Variants in PMPCB observed in about 807,000 individuals in gnomAD.
PMPCB encodes the protein peptidase, mitochondrial processing subunit beta.
A neutral mutation model predicts 61.5 loss-of-function variants in PMPCB; 46 were observed. The ratio of observed to expected loss-of-function variants is 0.75; its 90% CI spans 0.59 to 0.96. The LOEUF is 0.96. Among genes scored for constraint, PMPCB ranks in the 40% least tolerant of loss-of-function variants. The probability of loss-of-function intolerance (pLI) is 0.00; values close to 1 mark genes in which losing one functional copy is unlikely to be tolerated. For synonymous variants in PMPCB, 191 were observed against 201.6 expected (o/e 0.95, Z 0.44); for missense variants, 590 against 602.4 (o/e 0.98, Z 0.22).
Position 103,298,473 on chromosome 7 carries a change from G to A in PMPCB, c.100-95G>A. ...GAAGAAAGATTCTTTTATAGAGACA[G>A]CCTATTTAAAATAGATTTGGTTTTA... On this transcript the variant is annotated intron_variant, in intron 1 of 12. Transcript: ENST00000249269. 4 of 1,196,680 alleles carry A rather than the reference G, an allele frequency of 3.3e-6. No individual in the cohort carries two copies. In the South Asian group the frequency reaches 5.7e-5, roughly 17 times the overall value. 74.1% of individuals were successfully genotyped at this position (1,196,680 alleles called of 1,614,324 possible). A position where few individuals can be genotyped will look rare whatever the true frequency, so the allele number is the denominator to read the frequency against.
At chr7:103,341,959 G>T in the PMPCB span, 11 of 1,558,412 alleles carry the variant, frequency 7.1e-6, no homozygotes, top group Non-Finnish European at 9.5e-6. Context: ...TAGAGGCTGT[G>T]ATTGAAAGTG....
rs897717670 is a variant in PMPCB, at chr7:103,307,859, C to G, written c.849+151C>G. The G allele has an allele frequency of 6.5e-5, 37 of 571,032 alleles. 1 individual carries two copies. Among genetic ancestry groups the G allele is most frequent in the Non-Finnish European group, 1.1e-4 (37 of 322,338 alleles). The allele number at this position is 571,032 out of a possible 1,614,324, so 35.4% of individuals were successfully genotyped here. On this transcript the variant is annotated intron_variant, in intron 7 of 12. Coordinates refer to ENST00000249269, the MANE Select transcript of PMPCB (RefSeq NM_004279.3). ...TGTACTCATTTGCTTACATTCCTTC[C>G]TCTTCCGTATTCTTTAACCACCTAT... is the stretch of plus-strand genomic sequence containing the variant.
intron 12 of PMPCB, among the ~76,000 whole-genome samples, chr7:103,325,942 C>A (rs939798943): frequency 1.3e-5 from 2 of 152,130 alleles, no homozygotes; most frequent in Non-Finnish European, 2.9e-5. Flanking sequence ...ATTACTGTCA[C>A]CTAAGTGTAA....
chr7:103,309,170 A>G, intron 8 of PMPCB, 75 bp downstream of exon 8: 2 of 1,247,334 alleles, frequency 1.6e-6, no homozygotes, highest in South Asian at 1.6e-5. Flanking sequence ...GTTCTTTGTA[A>G]GAATCCTTTT....
Position 103,299,661 on chromosome 7 carries a change from T to C in PMPCB, c.327+132T>C, listed in dbSNP as rs539529403. ...ATGTTTATTTTTCCAGGACAGTATC[T>C]AAAATAAGTAGTGATAATTGCTTTG... On this transcript the variant is annotated intron_variant, in intron 3 of 12. Transcript: ENST00000249269. 7.3e-6 allele frequency: 4 copies of C among 549,332 alleles called. No homozygotes were observed. In the Admixed American group the frequency reaches 1.1e-4, roughly 15 times the overall value. The allele number at this position is 549,332 out of a possible 1,614,324, so 34.0% of individuals were successfully genotyped here. A position where few individuals can be genotyped will look rare whatever the true frequency, so the allele number is the denominator to read the frequency against.
At chr7:103,298,509 T>C (rs1817355131) in intron 1 of PMPCB, 59 bp from the exon 2 acceptor site, 1 of 1,512,792 alleles carries the variant, frequency 6.6e-7, no homozygotes, top group East Asian at 2.3e-5. Flanking sequence ...AAAGCAACAT[T>C]TAATATCAGA....
At chr7:103,299,154 C>T (rs1289977498) in intron 2 of PMPCB, among the ~76,000 whole-genome samples, 1 of 152,198 alleles carries the variant, frequency 6.6e-6, no homozygotes, top group Non-Finnish European at 1.5e-5. Flanking sequence ...CCGAAGTTTT[C>T]TGACAGTCTC....
chr7:103,310,587 C>T, intron 9 of PMPCB, 112 bp downstream of exon 9: 1 of 762,674 alleles, frequency 1.3e-6, no homozygotes, highest in Non-Finnish European at 2.0e-6. Context: ...AATTAAGAGA[C>T]CTAGATAAAC....
exon 13 of PMPCB, chr7:103,329,059 A>T: frequency 8.8e-7 from 1 of 1,139,544 alleles, no homozygotes; most frequent in Non-Finnish European, 1.1e-6. Flanking sequence ...CTAATTATTT[A>T]AAATTTGTGA....
At position 103,314,017 on chromosome 7, in the gene PMPCB, A is replaced by G. The variant is rs550801880; in HGVS notation, c.*1746A>G. Reference sequence around the variant, plus strand: ...AGAAACCAAAGTTCCTTCCCAATTAAAGAAGGAAAAACAAAACAAAACAAA... The same window carrying G: ...AGAAACCAAAGTTCCTTCCCAATTAGAGAAGGAAAAACAAAACAAAACAAA... On this transcript the variant is annotated 3_prime_UTR_variant, in exon 13 of 13. Transcript: ENST00000249269. 1 of 985,382 alleles carries G rather than the reference A, an allele frequency of 1.0e-6. No homozygotes were observed. The highest frequency in any genetic ancestry group is 1.1e-4 in the East Asian group (1 of 8,822). 61.0% of individuals were successfully genotyped at this position (985,382 alleles called of 1,614,324 possible).
At chr7:103,310,530 A>AG in intron 9 of PMPCB, 55 bp downstream of exon 9, 1 of 1,388,078 alleles carries the variant, frequency 7.2e-7, no homozygotes, top group East Asian at 2.3e-5. Context: ...GTTTTAAACT[A>AG]GTTTTTTATT....
the PMPCB span, among the ~76,000 whole-genome samples, chr7:103,339,261 G>A: frequency 6.6e-5 from 10 of 152,250 alleles, no homozygotes; most frequent in African/African-American, 2.4e-4. Context: ...TATCTGACAT[G>A]GTGTTTGATC....
At chr7:103,342,074 C>T in the PMPCB span, 1,100 of 652,354 alleles carry the variant, frequency 1.7e-3, 8 homozygotes, top group African/African-American at 0.018. Context: ...ACTTTTAAAA[C>T]CACCGACTAC....
At chr7:103,326,998 A>G (rs1818741701) in intron 12 of PMPCB, among the ~76,000 whole-genome samples, 1 of 152,222 alleles carries the variant, frequency 6.6e-6, no homozygotes, top group African/African-American at 2.4e-5. Flanking sequence ...CAAGGTTGTA[A>G]AAGATCGAAG....
chr7:103,315,303 A>G (rs972882288), downstream of PMPCB, among the ~76,000 whole-genome samples: 1 of 152,002 alleles, frequency 6.6e-6, no homozygotes, highest in Non-Finnish European at 1.5e-5. Context: ...AAATGTGAAC[A>G]TTTTCATATT....
intron 12 of PMPCB, among the ~76,000 whole-genome samples, chr7:103,325,047 T>A (rs978227083): frequency 6.6e-6 from 1 of 152,214 alleles, no homozygotes; most frequent in Non-Finnish European, 1.5e-5. Context: ...CATTGATCAC[T>A]GGTGAAAAGG....
intron 12 of PMPCB, among the ~76,000 whole-genome samples, chr7:103,321,309 G>C (rs1276211113): frequency 6.6e-6 from 1 of 152,138 alleles, no homozygotes; most frequent in African/African-American, 2.4e-5. Flanking sequence ...ATGAGGTCAG[G>C]AGTTCAAGAC....
At chr7:103,322,875 A>G in intron 12 of PMPCB, 1 of 1,070,616 alleles carries the variant, frequency 9.3e-7, no homozygotes, top group Admixed American at 2.1e-5. Flanking sequence ...TAAAATATTT[A>G]TATGTACATA....
At chr7:103,338,518 A>T in the PMPCB span, among the ~76,000 whole-genome samples, 5 of 151,098 alleles carry the variant, frequency 3.3e-5, no homozygotes, top group African/African-American at 1.2e-4. Context: ...GCTGGTCTCG[A>T]ACTCCTGACC....
Sources: allele counts gnomAD v4.1 joint callset (sites outside exome capture counted in the v4.1 genomes callset), GRCh38; gene constraint gnomAD v4.1.1; transcripts MANE v1.5; gene names NCBI Gene and HGNC (gene_info 2026-07-23, HGNC 2026-07-21).